The following NAV2 variants were observed in gnomAD, a reference collection of about 807,000 sequenced individuals.
NAV2 encodes the protein neuron navigator 2, also known as helicase, APC down-regulated 1.
A neutral mutation model predicts 223.2 loss-of-function variants in NAV2; 54 were observed. That is an observed-to-expected ratio of 0.24 (90% CI 0.19 to 0.30). The LOEUF is 0.30. Ranked by LOEUF, NAV2 falls within the 10% of genes least tolerant of loss-of-function variation. NAV2 has a pLI of 1.00. For synonymous variants in NAV2, 1,279 were observed against 1,239.3 expected (o/e 1.03, Z -0.67); for missense variants, 2,806 against 3,147.5 (o/e 0.89, Z 2.60).
At chr11:19,681,600 A>C (rs2048882014) in intron 1 of NAV2, among the ~76,000 whole-genome samples, 1 of 151,566 alleles carries the variant, frequency 6.6e-6, no homozygotes, top group African/African-American at 2.4e-5. Flanking sequence ...GGGATTTAGC[A>C]ATAGGTTTGC....
intron 1 of NAV2, among the ~76,000 whole-genome samples, chr11:19,669,774 A>G (rs1055136190): frequency 5.9e-5 from 9 of 152,206 alleles, no homozygotes; most frequent in African/African-American, 2.2e-4. Context: ...AGTGCCTTTC[A>G]GTGCCCTTTT....
At chr11:20,062,498 A>T (rs1457038568) in intron 20 of NAV2, 139 bp downstream of exon 20, 4 of 666,604 alleles carry the variant, frequency 6.0e-6, no homozygotes, top group Non-Finnish European at 7.4e-6. Context: ...AGGGAACAAG[A>T]TTTAAAATTC....
chr11:19,714,694 C>T (rs1274828425), intron 1 of NAV2, among the ~76,000 whole-genome samples: 1 of 152,068 alleles, frequency 6.6e-6, no homozygotes, highest in Non-Finnish European at 1.5e-5. Context: ...TGTTGGTAGC[C>T]CGAGTGACGG....
chr11:19,543,785 C>T (rs2044405600), intron 1 of NAV2, among the ~76,000 whole-genome samples: 1 of 152,216 alleles, frequency 6.6e-6, no homozygotes, highest in Non-Finnish European at 1.5e-5. Context: ...ACTTGGCTAA[C>T]TCTGAGGCTG....
chr11:19,582,907 T>C (rs998064428), intron 1 of NAV2, among the ~76,000 whole-genome samples: 1 of 152,272 alleles, frequency 6.6e-6, no homozygotes, highest in Non-Finnish European at 1.5e-5. Flanking sequence ...TTTCCAATTC[T>C]GTGAAGAAAG....
upstream of NAV2, among the ~76,000 whole-genome samples, chr11:19,708,075 C>T (rs1323587024): frequency 6.6e-6 from 1 of 152,170 alleles, no homozygotes; most frequent in African/African-American, 2.4e-5. Context: ...AGAAAAAAAG[C>T]CCCAGAGGTT....
chr11:20,089,814 G>A lies in NAV2; in HGVS notation c.5499-1051G>A, dbSNP rs150822292. ...TGTGCTGATTTGCCAGGTGTTTGAA[G>A]AGCAAACCTAAGTAACTAAGGAGCC... On this transcript the variant is annotated intron_variant, in intron 26 of 37. Coordinates refer to ENST00000349880, the MANE Select transcript of NAV2 (RefSeq NM_145117.5). Among the ~76,000 whole-genome samples the A allele has an allele frequency of 3.2e-3, 487 of 152,264 alleles. 5 individuals carry two copies. Among genetic ancestry groups the A allele is most frequent in the African/African-American group, 0.011 (468 of 41,550 alleles).
At chr11:19,962,999 G>A (rs1213369333) in intron 10 of NAV2, among the ~76,000 whole-genome samples, 1 of 152,184 alleles carries the variant, frequency 6.6e-6, no homozygotes, top group Non-Finnish European at 1.5e-5. Context: ...AAGTTTAAAG[G>A]GTGAAGTCAA....
At chr11:19,396,914 T>C (rs1849471971) in intron 1 of NAV2, among the ~76,000 whole-genome samples, 1 of 152,210 alleles carries the variant, frequency 6.6e-6, no homozygotes, top group South Asian at 2.1e-4. Flanking sequence ...TATGGTGGAT[T>C]CCCTTAAAGT....
intron 22 of NAV2, among the ~76,000 whole-genome samples, chr11:20,072,911 A>T (rs140010655): frequency 2.0e-5 from 3 of 152,138 alleles, no homozygotes; most frequent in Non-Finnish European, 4.4e-5. Flanking sequence ...TGTTTTCCCA[A>T]TTGAATACCC....
intron 19 of NAV2, chr11:20,056,678 A>G: frequency 8.3e-7 from 1 of 1,211,024 alleles, no homozygotes; most frequent in Non-Finnish European, 1.2e-6. Flanking sequence ...CACCCCATGA[A>G]GATGGGGCTG....
chr11:19,626,255 G>C (rs546669254), intron 1 of NAV2, among the ~76,000 whole-genome samples: 3 of 152,150 alleles, frequency 2.0e-5, no homozygotes, highest in Non-Finnish European at 4.4e-5. Flanking sequence ...TACATATCCA[G>C]TTTTCCCAAC....
At chr11:19,581,533 C>G (rs1264433127) in intron 1 of NAV2, among the ~76,000 whole-genome samples, 2 of 151,988 alleles carry the variant, frequency 1.3e-5, no homozygotes, top group Non-Finnish European at 2.9e-5. Context: ...CACCCCACAA[C>G]AGGCCCCAGT....
intron 1 of NAV2, among the ~76,000 whole-genome samples, chr11:19,643,474 TC>T (rs2047723612): frequency 1.3e-5 from 2 of 152,080 alleles, no homozygotes; most frequent in Admixed American, 1.3e-4. Context: ...TTCATCCGTG[TC>T]CCCACAAAGG....
At chr11:19,936,775 C>T (rs990517922) in intron 7 of NAV2, among the ~76,000 whole-genome samples, 10 of 152,188 alleles carry the variant, frequency 6.6e-5, no homozygotes, top group African/African-American at 1.2e-4. Context: ...CCTCCATGAG[C>T]TAGCAGCTTA....
chr11:19,592,596 A>C (rs2046092575), intron 1 of NAV2, among the ~76,000 whole-genome samples: 1 of 152,128 alleles, frequency 6.6e-6, no homozygotes, highest in Non-Finnish European at 1.5e-5. Context: ...GGGCTTTTTA[A>C]TTCCTAGGTC....
intron 1 of NAV2, among the ~76,000 whole-genome samples, chr11:19,523,309 C>T (rs1243523607): frequency 6.6e-6 from 1 of 152,202 alleles, no homozygotes; most frequent in East Asian, 1.9e-4. Context: ...CCAGGAAAGC[C>T]TTGGGGAGCA....
At chr11:19,350,729 T>A in exon 1 of NAV2, 2 of 561,224 alleles carry the variant, frequency 3.6e-6, no homozygotes, top group South Asian at 4.1e-5. Context: ...TTAGCTCTCA[T>A]GATGCCGGCA....
intron 14 of NAV2, among the ~76,000 whole-genome samples, chr11:20,046,819 A>G (rs574598712): frequency 4.6e-5 from 7 of 152,314 alleles, no homozygotes; most frequent in East Asian, 1.9e-4. Flanking sequence ...CCACTGGACC[A>G]TTCTCAAACT....
Sources: gnomAD v4.1 joint callset for allele counts (sites outside exome capture counted in the v4.1 genomes callset) on GRCh38, gnomAD v4.1.1 for gene constraint, MANE v1.5 for transcripts, NCBI Gene and HGNC (gene_info 2026-07-23, HGNC 2026-07-21) for gene names.